The following CLPTM1 variants were observed in gnomAD, a reference collection of about 807,000 sequenced individuals.
The protein encoded by CLPTM1 is CLPTM1 regulator of GABA type A receptor forward trafficking.
CLPTM1 carries 21 observed loss-of-function variants against 77.3 expected under a neutral mutation model. The observed-to-expected ratio is 0.27, with a 90% CI of 0.19 to 0.39. The LOEUF (loss-of-function observed/expected upper bound fraction) is 0.39. Among genes scored for constraint, CLPTM1 ranks in the 10% least tolerant of loss-of-function variants. The pLI is 1.00. For missense variants in CLPTM1, 642 were observed against 921.2 expected (o/e 0.70, Z 3.92); for synonymous variants, 373 against 381.0 (o/e 0.98, Z 0.24).
intron 2 of CLPTM1, among the ~76,000 whole-genome samples, chr19:44,966,771 G>A (rs1057195851): frequency 6.6e-6 from 1 of 151,676 alleles, no homozygotes; most frequent in African/African-American, 2.4e-5. Flanking sequence ...TGTTGGCCAT[G>A]ATTCCTTTTG....
chr19:44,987,277 C>T lies in CLPTM1; in HGVS notation c.892C>T (p.Leu298=). The part of the protein sequence containing the change: ...QKDYYPINES[L]ASLPLRVSFC... ...GGACTACTACCCCATCAACGAGAGCCTGGCCAGCCTGCCGCTCCGCGTCTC... is the reference window on the plus strand; with the variant it reads ...GGACTACTACCCCATCAACGAGAGCTTGGCCAGCCTGCCGCTCCGCGTCTC... Residue 298 remains leucine, a synonymous_variant, in exon 8 of 14, where the codon CTG becomes TTG. Coordinates refer to ENST00000337392, the MANE Select transcript of CLPTM1 (RefSeq NM_001294.4). 6.2e-7 allele frequency: 1 copy of T among 1,614,274 alleles called. No homozygotes were observed. The highest frequency in any genetic ancestry group is 8.5e-7 in the Non-Finnish European group (1 of 1,180,054).
rs1294556289 is a variant in CLPTM1, at chr19:44,961,978, A to G, written c.88A>G (p.Ser30Gly). ...GSSGQVTSNG[S>G]IGRDPPAETQ... ...TCCCCCACAGGTGACCAGCAATGGC[A>G]GCATCGGGAGGGACCCGCCAGCGGA... is the stretch of plus-strand genomic sequence containing the variant. Residue 30 changes from serine (S) to glycine (G), a missense_variant, in exon 2 of 14, where the codon AGC (serine) becomes GGC (glycine). Ser to Gly is a moderately conservative substitution (Grantham distance 56). Around this residue, in one of 2 missense-constraint regions of CLPTM1, gnomAD observed 121 missense variants for 120.8 expected, o/e 1.00. Transcript: ENST00000337392. The G allele has an allele frequency of 5.6e-6, 9 of 1,606,130 alleles. No homozygotes were observed.
chr19:44,990,224 C>G lies in CLPTM1; in HGVS notation c.1133-171C>G, dbSNP rs1971047491. 1 of 656,414 alleles carries G rather than the reference C, an allele frequency of 1.5e-6. No homozygotes were observed. The highest frequency in any genetic ancestry group is 2.7e-5 in the East Asian group (1 of 37,344). The allele number at this position is 656,414 out of a possible 1,614,324, so 40.7% of individuals were successfully genotyped here. On this transcript the variant is annotated intron_variant, in intron 9 of 13. Coordinates refer to ENST00000337392, the MANE Select transcript of CLPTM1 (RefSeq NM_001294.4). The surrounding 1 kb of genome is among the most constrained non-coding windows in gnomAD (Gnocchi z 4.8). ...GCCTGTCTGGTGCTCTGGGGGTCAC[C>G]CAATGAATATGAGAGCCTTCCTGGG...
Position 44,974,440 on chromosome 19 carries a change from A to C in CLPTM1, c.311A>C (p.Asn104Thr). 1 of 1,611,826 alleles carries C rather than the reference A, an allele frequency of 6.2e-7. No homozygotes were observed. The change falls in exon 4 of 14, where the codon AAC (asparagine) becomes ACC (threonine). Residue 104 changes from asparagine to threonine, a missense_variant and splice_region_variant. Asn to Thr is a moderately conservative substitution (Grantham distance 65, BLOSUM62 0). Around this residue, in one of 2 missense-constraint regions of CLPTM1, gnomAD observed 521 missense variants for 800.4 expected, o/e 0.65. Transcript: ENST00000337392. Reference sequence around the variant, plus strand: ...TCTGTTCCCTTCCTGTCCCAACAGAACCTGCATGTGTACATCTCAGAGCAC... The same window carrying C: ...TCTGTTCCCTTCCTGTCCCAACAGACCCTGCATGTGTACATCTCAGAGCAC... ...RNLFPKDTLM[N>T]LHVYISEHEH...
At chr19:44,986,623 G>C (rs1182074889) in intron 7 of CLPTM1, 48 bp downstream of exon 7, 1 of 1,597,664 alleles carries the variant, frequency 6.3e-7, no homozygotes, top group East Asian at 2.2e-5. Context: ...TTGAGAGGGT[G>C]CTCGGGGTCC....
chr19:44,987,995 C>T (rs1971008640), intron 8 of CLPTM1, 85 bp from the exon 9 acceptor site: 10 of 994,776 alleles, frequency 1.0e-5, no homozygotes, highest in Admixed American at 5.1e-5. Flanking sequence ...CCTCTACAGG[C>T]GGCCCCAGGG....
At chr19:44,962,144 C>A in intron 2 of CLPTM1, 69 bp downstream of exon 2, 1 of 910,640 alleles carries the variant, frequency 1.1e-6, no homozygotes, top group Non-Finnish European at 1.7e-6. Flanking sequence ...AAGGAAAAGT[C>A]AGCTGATCAG....
upstream of CLPTM1, chr19:44,955,130 C>T (rs1970437872): frequency 6.5e-7 from 1 of 1,535,692 alleles, no homozygotes; most frequent in African/African-American, 1.4e-5. Context: ...TTGCGGGAGG[C>T]ACATGCTGGC....
intron 2 of CLPTM1, among the ~76,000 whole-genome samples, chr19:44,966,902 C>T (rs954467371): frequency 2.0e-4 from 31 of 151,942 alleles, no homozygotes; most frequent in Non-Finnish European, 3.7e-4. Flanking sequence ...AGTGCAGTGG[C>T]GCGATCTCGG....
intron 6 of CLPTM1, 39 bp from the exon 7 acceptor site, chr19:44,986,416 C>G: frequency 1.9e-6 from 3 of 1,608,622 alleles, no homozygotes; most frequent in Non-Finnish European, 2.5e-6. Context: ...CCGAGCACTT[C>G]CACCTGCCTC....
At chr19:44,975,484 G>A (rs770184407) in intron 4 of CLPTM1, among the ~76,000 whole-genome samples, 6 of 152,190 alleles carry the variant, frequency 3.9e-5, no homozygotes, top group Non-Finnish European at 5.9e-5. Flanking sequence ...TCAGCTTTGG[G>A]GTGGAGGGCA....
chr19:44,986,235 C>T (rs761701501), intron 6 of CLPTM1, among the ~76,000 whole-genome samples: 5 of 151,918 alleles, frequency 3.3e-5, no homozygotes, highest in East Asian at 1.9e-4. Flanking sequence ...TGGTGGCTCA[C>T]GCCTCTAATC....
intron 4 of CLPTM1, among the ~76,000 whole-genome samples, chr19:44,976,174 G>T (rs1970803109): frequency 6.6e-6 from 1 of 152,190 alleles, no homozygotes; most frequent in Non-Finnish European, 1.5e-5. Context: ...GACCTGCACT[G>T]AGAGGTGACT....
intron 5 of CLPTM1, among the ~76,000 whole-genome samples, chr19:44,982,725 TCCC>T (rs1011375896): frequency 7.2e-5 from 11 of 152,092 alleles, no homozygotes. Flanking sequence ...TGTTGGTTTC[TCCC>T]CCTGGACACA....
intron 2 of CLPTM1, among the ~76,000 whole-genome samples, chr19:44,964,616 T>G (rs1970599407): frequency 6.6e-6 from 1 of 152,144 alleles, no homozygotes; most frequent in Non-Finnish European, 1.5e-5. Flanking sequence ...TGGCCCATTT[T>G]AACCATTTTT....
At position 44,990,738 on chromosome 19, in the gene CLPTM1, G is replaced by T. The variant is rs1971059232; in HGVS notation, c.1324-112G>T. ...ATTTTCTCACCAGGGGATTTTTTGG[G>T]TCACACATGGGGCAGGGGAACTGGG... On this transcript the variant is annotated intron_variant, in intron 10 of 13. Coordinates refer to ENST00000337392, the MANE Select transcript of CLPTM1 (RefSeq NM_001294.4). This position sits in a 1 kb window ranked among gnomAD's most constrained non-coding sequence, Gnocchi z 4.8. 2.3e-6 allele frequency: 3 copies of T among 1,308,798 alleles called. No individual in the cohort carries two copies. Among genetic ancestry groups the T allele is most frequent in the Admixed American group, 1.9e-5 (1 of 51,488 alleles). The allele number at this position is 1,308,798 out of a possible 1,614,324, so 81.1% of individuals were successfully genotyped here. A position where few individuals can be genotyped will look rare whatever the true frequency, so the allele number is the denominator to read the frequency against.
rs113220042 is a variant in CLPTM1 at position 44,965,698 on chromosome 19, C to T, written c.185+3623C>T. 7.4e-3 allele frequency among the ~76,000 whole-genome samples: 1,134 copies of T among 152,230 alleles called. 15 individuals carry two copies. The highest frequency in any genetic ancestry group is 0.026 in the African/African-American group (1,086 of 41,546). On this transcript the variant is annotated intron_variant, in intron 2 of 13. Transcript: ENST00000337392. ...GTGTGGTGGCGGGCGCCTGTAGTCC[C>T]AGCTACTCAGGAGGCTGAGGCAAGA...
At chr19:44,961,048 C>T (rs1402724172) in intron 1 of CLPTM1, among the ~76,000 whole-genome samples, 2 of 152,268 alleles carry the variant, frequency 1.3e-5, no homozygotes, top group East Asian at 1.9e-4. Flanking sequence ...TCTGGGAAGC[C>T]GTGCCTGGCT....
intron 1 of CLPTM1, among the ~76,000 whole-genome samples, chr19:44,958,459 T>C (rs979184631): frequency 6.6e-6 from 1 of 151,688 alleles, no homozygotes; most frequent in African/African-American, 2.4e-5. Flanking sequence ...GCAACCTCCG[T>C]CTCCTGGGTT....
Sources: gnomAD v4.1 joint callset for allele counts (sites outside exome capture counted in the v4.1 genomes callset) on GRCh38, gnomAD v4.1.1 for gene constraint, gnomAD v4.1.1 regional missense constraint, Gnocchi (gnomAD v3.1) non-coding constraint, MANE v1.5 for transcripts, NCBI Gene and HGNC (gene_info 2026-07-23, HGNC 2026-07-21) for gene names.